The following ERICH5 variants were observed in gnomAD, a reference collection of about 807,000 sequenced individuals.
ERICH5 encodes the protein glutamate-rich protein 5.
ERICH5 carries 24 observed loss-of-function variants against 28.0 expected under a neutral mutation model. That is an observed-to-expected ratio of 0.86 (90% CI 0.62 to 1.21). ERICH5 has a LOEUF of 1.21. Ranked by LOEUF, ERICH5 falls within the 50% of genes most tolerant of loss-of-function variation. ERICH5 has a pLI of 0.00. For synonymous variants in ERICH5, 163 were observed against 157.6 expected (o/e 1.03, Z -0.25); for missense variants, 421 against 441.2 (o/e 0.95, Z 0.41).
At chr8:98,079,826 A>G (rs1366890014) in intron 1 of ERICH5, among the ~76,000 whole-genome samples, 1 of 152,168 alleles carries the variant, frequency 6.6e-6, no homozygotes, top group Non-Finnish European at 1.5e-5. Flanking sequence ...AGGGTGAGCT[A>G]CCGTGCCCGG....
intron 2 of ERICH5, among the ~76,000 whole-genome samples, chr8:98,091,175 A>G (rs1815376050): frequency 6.6e-6 from 1 of 152,110 alleles, no homozygotes; most frequent in South Asian, 2.1e-4. Flanking sequence ...TGACCTCATG[A>G]TCCACCCGCC....
chr8:98,077,779 A>G (rs1426614539), intron 1 of ERICH5, among the ~76,000 whole-genome samples: 4 of 152,114 alleles, frequency 2.6e-5, no homozygotes, highest in African/African-American at 9.7e-5. Flanking sequence ...TATGTTGCCC[A>G]GGCTCATCTC....
intron 1 of ERICH5, among the ~76,000 whole-genome samples, chr8:98,071,235 C>T (rs1005206230): frequency 6.6e-6 from 1 of 152,114 alleles, no homozygotes; most frequent in African/African-American, 2.4e-5. Flanking sequence ...AGAGATCACG[C>T]CATTGCACTC....
At position 98,091,834 on chromosome 8, in the gene ERICH5, C is replaced by CTT. The variant is rs67893989; in HGVS notation, c.1013-1383_1013-1382dup. On this transcript the variant is annotated intron_variant, in intron 2 of 2. Transcript: ENST00000318528. Reference sequence around the variant, plus strand: ...TTAGACTTTCTTTTTCTTTCTTTTTCTTTTTCTTTCTTTCTTTCTTTCTTT... The same window carrying CTT: ...TTAGACTTTCTTTTTCTTTCTTTTTCTTTTTTTCTTTCTTTCTTTCTTTCTTT... Among the ~76,000 whole-genome samples the CTT allele has an allele frequency of 9.7e-3, 1,295 of 133,872 alleles. 10 individuals are homozygous for CTT. The highest frequency in any genetic ancestry group is 0.012 in the African/African-American group (427 of 35,198). 87.8% of individuals were successfully genotyped at this position (133,872 alleles called of 152,430 possible). A position where few individuals can be genotyped will look rare whatever the true frequency, so the allele number is the denominator to read the frequency against.
At position 98,064,627 on chromosome 8, in the gene ERICH5, C is replaced by A; in HGVS notation, c.-43C>A. Reference sequence around the variant, plus strand: ...TTGCCTTCGGTTCCCGGTTCCGGGCCGACACCCGCGCAGGGCTGAGACAGG... The same window carrying A: ...TTGCCTTCGGTTCCCGGTTCCGGGCAGACACCCGCGCAGGGCTGAGACAGG... On this transcript the variant is annotated 5_prime_UTR_variant, in exon 1 of 3. Transcript: ENST00000318528. 6.8e-7 allele frequency: 1 copy of A among 1,464,538 alleles called. No individual in the cohort carries two copies. Among genetic ancestry groups the A allele is most frequent in the South Asian group, 1.3e-5 (1 of 76,512 alleles). 90.7% of individuals were successfully genotyped at this position (1,464,538 alleles called of 1,614,324 possible).
At chr8:98,086,245 A>G (rs562602263) in intron 1 of ERICH5, among the ~76,000 whole-genome samples, 2 of 152,286 alleles carry the variant, frequency 1.3e-5, no homozygotes, top group East Asian at 3.9e-4. Flanking sequence ...CAGACATGTG[A>G]TAACTCACTT....
chr8:98,082,041 ACTT>A (rs1815192494), intron 1 of ERICH5, among the ~76,000 whole-genome samples: 1 of 152,212 alleles, frequency 6.6e-6, no homozygotes, highest in Non-Finnish European at 1.5e-5. Context: ...AGGGAAAAGA[ACTT>A]CTGAGCTATT....
At chr8:98,077,798 G>A (rs1002416730) in intron 1 of ERICH5, among the ~76,000 whole-genome samples, 1 of 152,018 alleles carries the variant, frequency 6.6e-6, no homozygotes, top group Non-Finnish European at 1.5e-5. Flanking sequence ...TCAAACTCCT[G>A]GGCTCAAGCA....
At chr8:98,087,381 A>G (rs1815301667) in intron 1 of ERICH5, among the ~76,000 whole-genome samples, 2 of 152,176 alleles carry the variant, frequency 1.3e-5, no homozygotes, top group African/African-American at 2.4e-5. Flanking sequence ...AGCTTACACT[A>G]GATAAGCAGA....
At chr8:98,077,760 A>G (rs918917603) in intron 1 of ERICH5, among the ~76,000 whole-genome samples, 5 of 151,928 alleles carry the variant, frequency 3.3e-5, no homozygotes, top group Non-Finnish European at 7.4e-5. Context: ...TGTAGAGATG[A>G]GGTCTCACTA....
At chr8:98,084,774 C>G (rs1335365154) in intron 1 of ERICH5, among the ~76,000 whole-genome samples, 1 of 151,924 alleles carries the variant, frequency 6.6e-6, no homozygotes, top group East Asian at 1.9e-4. Context: ...CAAAAATGAT[C>G]AGTTTTTTGG....
rs118173241 is a variant in ERICH5 at position 98,083,240 on chromosome 8, A to G, written c.59-5836A>G. On this transcript the variant is annotated intron_variant, in intron 1 of 2. Transcript: ENST00000318528. ...TGTAATAACAATTTTACCAGAAAAT[A>G]TAATTTGGCAGACATCTGTGATTAG... Among the ~76,000 whole-genome samples, 589 of 152,340 alleles carry G rather than the reference A, an allele frequency of 3.9e-3. 1 individual carries two copies. The highest frequency in any genetic ancestry group is 7.0e-3 in the Non-Finnish European group (476 of 68,018).
chr8:98,074,497 C>G (rs1269500544), intron 1 of ERICH5, among the ~76,000 whole-genome samples: 1 of 146,808 alleles, frequency 6.8e-6, no homozygotes, highest in Non-Finnish European at 1.5e-5. Context: ...TTCCTGGATT[C>G]AAGTGATCCT....
chr8:98,093,221 G>C lies in ERICH5; in HGVS notation c.1013G>C (p.Gly338Ala), dbSNP rs1469999012. 1.9e-6 allele frequency: 3 copies of C among 1,607,022 alleles called. No individual in the cohort carries two copies. Among genetic ancestry groups the C allele is most frequent in the East Asian group, 2.2e-5 (1 of 44,800 alleles). ...HTNEEDQRIE[G>A]ETGEKVETDM... ...GTATCTCCTTTGGTTACTTTTCCAG[G>C]TGAGACAGGGGAAAAGGTGGAAACA... is the stretch of plus-strand genomic sequence containing the variant. The change falls in exon 3 of 3, where the codon GGT (glycine) becomes GCT (alanine). Residue 338 changes from glycine (G) to alanine (A), a missense_variant and splice_region_variant. Coordinates refer to ENST00000318528, the MANE Select transcript of ERICH5 (RefSeq NM_173549.3).
chr8:98,081,487 G>T (rs1212636753), intron 1 of ERICH5, among the ~76,000 whole-genome samples: 2 of 152,176 alleles, frequency 1.3e-5, no homozygotes, highest in Non-Finnish European at 2.9e-5. Context: ...AGATTAGTGG[G>T]TGCTAGTCTC....
At chr8:98,074,792 T>C (rs1815019587) in intron 1 of ERICH5, among the ~76,000 whole-genome samples, 1 of 152,210 alleles carries the variant, frequency 6.6e-6, no homozygotes, top group South Asian at 2.1e-4. Flanking sequence ...GTAGGATATG[T>C]TTGTCACAAT....
chr8:98,071,905 G>T (rs72678762), intron 1 of ERICH5, among the ~76,000 whole-genome samples: 14,237 of 134,666 alleles, frequency 0.11, 938 homozygotes, highest in Admixed American at 0.22. Context: ...TATTTTTTAA[G>T]TTTTATTTTA....
chr8:98,089,179 A>G lies in ERICH5; in HGVS notation c.162A>G (p.Val54=). The stretch of plus-strand genomic sequence containing the variant: ...GAGAATCTACTGTTGATGGCAATGT[A>G]CAAAGGGAAAGCCGTCCTCCCTTAC... ...LGRESTVDGN[V]QRESRPPLQK... The change falls in exon 2 of 3, where the codon GTA becomes GTG. Residue 54 remains valine (V), a synonymous_variant. Coordinates refer to ENST00000318528, the MANE Select transcript of ERICH5 (RefSeq NM_173549.3). 1 of 1,614,252 alleles carries G rather than the reference A, an allele frequency of 6.2e-7. No homozygotes were observed. The highest frequency in any genetic ancestry group is 8.5e-7 in the Non-Finnish European group (1 of 1,180,042).
chr8:98,086,977 A>G (rs1815293531), intron 1 of ERICH5, among the ~76,000 whole-genome samples: 1 of 150,108 alleles, frequency 6.7e-6, no homozygotes, highest in Non-Finnish European at 1.5e-5. Flanking sequence ...AGGAAATGTG[A>G]ATGTGTAATT....
Sources: gnomAD v4.1 joint callset for allele counts (sites outside exome capture counted in the v4.1 genomes callset) on GRCh38, gnomAD v4.1.1 for gene constraint, MANE v1.5 for transcripts, NCBI Gene and HGNC (gene_info 2026-07-23, HGNC 2026-07-21) for gene names.